Variants in TPGS2 observed in about 807,000 individuals in gnomAD.
TPGS2 encodes polyglutamylase subunit 2.
Under a neutral mutation model 31.1 loss-of-function variants are expected in TPGS2, and 26 were observed. The observed-to-expected ratio is 0.84, with a 90% CI of 0.61 to 1.16. The LOEUF (loss-of-function observed/expected upper bound fraction) is 1.16. TPGS2 is among the 50% of genes most tolerant of loss of function. The probability of loss-of-function intolerance (pLI) is 0.00; values close to 1 mark genes in which losing one functional copy is unlikely to be tolerated. For synonymous variants in TPGS2, 130 were observed against 136.6 expected, an observed-to-expected ratio of 0.95 and a Z score of 0.34; for missense variants, 351 against 363.8, an observed-to-expected ratio of 0.96 and a Z score of 0.29.
chr18:36,813,167 T>G (rs111612206), intron 2 of TPGS2, among the ~76,000 whole-genome samples: 4 of 152,226 alleles, frequency 2.6e-5, no homozygotes, highest in African/African-American at 9.6e-5. Context: ...CTAATTTAAA[T>G]AGAGATAAAT....
At chr18:36,789,996 T>G (rs1033557164), downstream of TPGS2, 1 of 152,576 alleles carries the variant, frequency 6.6e-6, no homozygotes, top group Non-Finnish European at 1.5e-5. Flanking sequence ...GAAAATGGAC[T>G]AATACACTAT....
chr18:36,797,842 A>C (rs1015494101), intron 6 of TPGS2, among the ~76,000 whole-genome samples: 14 of 152,014 alleles, frequency 9.2e-5, no homozygotes, highest in Admixed American at 9.2e-4. Context: ...GACCTGTAAT[A>C]TAAATGAGGC....
At chr18:36,781,031 T>A (rs1453162405), downstream of TPGS2, among the ~76,000 whole-genome samples, 1 of 152,268 alleles carries the variant, frequency 6.6e-6, no homozygotes, top group African/African-American at 2.4e-5. Context: ...TATAATCTTA[T>A]GGGACCACTG....
At chr18:36,822,451 G>A (rs980492274) in intron 1 of TPGS2, among the ~76,000 whole-genome samples, 1 of 152,128 alleles carries the variant, frequency 6.6e-6, no homozygotes, top group Non-Finnish European at 1.5e-5. Flanking sequence ...CTAAAAGTGT[G>A]GGTGGTTGTG....
chr18:36,798,104 T>C (rs2044622507), intron 6 of TPGS2: 3 of 1,074,976 alleles, frequency 2.8e-6, no homozygotes, highest in East Asian at 6.0e-5. Flanking sequence ...GGATGCACAC[T>C]TGGAGAACAG....
intron 2 of TPGS2, among the ~76,000 whole-genome samples, chr18:36,811,003 G>A (rs1234583317): frequency 1.3e-5 from 2 of 152,228 alleles, no homozygotes; most frequent in African/African-American, 4.8e-5. Flanking sequence ...GATCAGGTCA[G>A]CATAGGGCCC....
downstream of TPGS2, chr18:36,789,637 A>G (rs1356486728): frequency 6.6e-6 from 1 of 152,166 alleles, no homozygotes; most frequent in Non-Finnish European, 1.5e-5. Context: ...CTAAGAAACT[A>G]TGTGATATGG....
chr18:36,821,050 T>C (rs1381555424), intron 1 of TPGS2: 1 of 152,236 alleles, frequency 6.6e-6, no homozygotes, highest in Non-Finnish European at 1.5e-5. Flanking sequence ...CTTCCCTGCA[T>C]GCCCATAGCA....
At chr18:36,780,675 C>T (rs1048571789), downstream of TPGS2, among the ~76,000 whole-genome samples, 2 of 152,132 alleles carry the variant, frequency 1.3e-5, no homozygotes, top group Non-Finnish European at 2.9e-5. Flanking sequence ...GCCACAAATC[C>T]GTAAGAACAT....
rs1349663720 is a variant in TPGS2, at chr18:36,805,531, C to T, written c.254-29G>A. The T allele has an allele frequency of 1.9e-6, 3 of 1,613,354 alleles. No individual in the cohort carries two copies. The East Asian group carries it at 6.7e-5, about 36-fold the overall frequency. On this transcript the variant is annotated intron_variant, in intron 3 of 6. Transcript: ENST00000334295. ...GGGGAACATGCGTTAAGGAGAATTACATGGAGTAACAGCCTAGTTACAATG... is the reference window on the plus strand; with the variant it reads ...GGGGAACATGCGTTAAGGAGAATTATATGGAGTAACAGCCTAGTTACAATG...
intron 5 of TPGS2, among the ~76,000 whole-genome samples, chr18:36,798,939 G>T (rs541922652): frequency 6.6e-6 from 1 of 152,268 alleles, no homozygotes; most frequent in African/African-American, 2.4e-5. Flanking sequence ...CCCCCGGTAG[G>T]GGGGCGGAAT....
intron 6 of TPGS2, 79 bp from the exon 7 acceptor site, chr18:36,797,129 G>T: frequency 6.4e-7 from 1 of 1,570,596 alleles, no homozygotes. Context: ...TGGGATGCAG[G>T]AGAGTTGGGA....
chr18:36,822,769 A>T (rs572069568), intron 1 of TPGS2, among the ~76,000 whole-genome samples: 42 of 151,520 alleles, frequency 2.8e-4, no homozygotes, highest in South Asian at 4.2e-4. Context: ...TAATTAAAAA[A>T]TTTTTTTTTG....
chr18:36,796,023 T>C lies in TPGS2; in HGVS notation c.*782A>G. 3.0e-6 allele frequency: 3 copies of C among 985,466 alleles called. No homozygotes were observed. Among genetic ancestry groups the C allele is most frequent in the Non-Finnish European group, 3.6e-6 (3 of 829,934 alleles). The allele number at this position is 985,466 out of a possible 1,614,324, so 61.0% of individuals were successfully genotyped here. A position where few individuals can be genotyped will look rare whatever the true frequency, so the allele number is the denominator to read the frequency against. The stretch of plus-strand genomic sequence containing the variant: ...ATAAGGAAGATAATTGTGGAACGTG[T>C]ACAAACATCATAACACAAAACTGGA... On this transcript the variant is annotated 3_prime_UTR_variant, in exon 7 of 7. Coordinates refer to ENST00000334295, the MANE Select transcript of TPGS2 (RefSeq NM_015476.4).
chr18:36,787,355 CT>C (rs1434009909), intron 6 of TPGS2, among the ~76,000 whole-genome samples: 1 of 152,200 alleles, frequency 6.6e-6, no homozygotes, highest in Non-Finnish European at 1.5e-5. Flanking sequence ...GACTTCGCCC[CT>C]AATAGTATCT....
chr18:36,786,103 C>A (rs985414736), intron 6 of TPGS2, among the ~76,000 whole-genome samples: 2 of 152,188 alleles, frequency 1.3e-5, no homozygotes, highest in African/African-American at 4.8e-5. Flanking sequence ...GACAGGAAGG[C>A]ACTCAAGTAT....
downstream of TPGS2, among the ~76,000 whole-genome samples, chr18:36,782,392 A>G (rs964740817): frequency 8.5e-5 from 13 of 152,170 alleles, no homozygotes; most frequent in Admixed American, 2.0e-4. Context: ...TCCCAGCCCA[A>G]TCTACACATC....
intron 6 of TPGS2, chr18:36,798,120 TGAGAA>T: frequency 1.8e-6 from 2 of 1,097,626 alleles, no homozygotes; most frequent in South Asian, 6.9e-5. Context: ...AACAGGGGAG[TGAGAA>T]TCTGACTTTT....
chr18:36,787,183 A>G, intron 6 of TPGS2: 4 of 1,190,210 alleles, frequency 3.4e-6, no homozygotes, highest in Non-Finnish European at 4.2e-6. Flanking sequence ...ATGAGCCACA[A>G]GGTAATAGGG....
Sources: allele counts gnomAD v4.1 joint callset (sites outside exome capture counted in the v4.1 genomes callset), GRCh38; gene constraint gnomAD v4.1.1; transcripts MANE v1.5; gene names NCBI Gene and HGNC (gene_info 2026-07-23, HGNC 2026-07-21).